Variants in ATP9A observed in about 807,000 individuals in gnomAD.
The protein encoded by ATP9A is probable phospholipid-transporting ATPase IIA.
In ATP9A, 52 loss-of-function variants were observed where a neutral mutation model predicts 144.1. The observed-to-expected ratio is 0.36, with a 90% CI of 0.29 to 0.45. ATP9A has a LOEUF of 0.45. ATP9A is among the 20% of genes least tolerant of loss of function. The pLI, the probability that ATP9A is intolerant of heterozygous loss-of-function variation, is 1.00. For synonymous variants in ATP9A, 582 were observed against 557.4 expected (o/e 1.04, Z -0.62); for missense variants, 947 against 1,392.7 (o/e 0.68, Z 5.09).
intron 9 of ATP9A, among the ~76,000 whole-genome samples, chr20:51,678,114 T>C (rs1328460835): frequency 2.5e-5 from 3 of 120,922 alleles, no homozygotes; most frequent in African/African-American, 3.4e-5. Context: ...CGGAGAAACA[T>C]ACAGGACTGG....
rs376310810 is a variant in ATP9A at position 51,604,998 on chromosome 20, C to T, written c.2826G>A (p.Ala942=). 6.6e-5 allele frequency: 106 copies of T among 1,610,942 alleles called. No individual in the cohort carries two copies. In the East Asian group the frequency reaches 1.6e-3, roughly 25 times the overall value. Residue 942 remains alanine, a synonymous_variant, in exon 27 of 28, where the codon GCG becomes GCA. Transcript: ENST00000338821. ...IYQGSTIMYG[A]LLLFESEFVH... ...CGAACTCCGACTCAAACAGCAGCAG[C>T]GCCCCGTACATGATGGTGCTCCCTG...
chr20:51,767,261 C>G (rs1328351130), intron 1 of ATP9A, among the ~76,000 whole-genome samples: 1 of 152,132 alleles, frequency 6.6e-6, no homozygotes, highest in African/African-American at 2.4e-5. Context: ...CCCAACACCG[C>G]GCTCAGCCTC....
intron 1 of ATP9A, among the ~76,000 whole-genome samples, chr20:51,757,354 G>A (rs1049403622): frequency 2.6e-5 from 4 of 152,110 alleles, no homozygotes; most frequent in African/African-American, 4.8e-5. Context: ...CAAACTGCCC[G>A]TGGCACGTGG....
chr20:51,656,821 T>C (rs922923577), intron 14 of ATP9A, 117 bp downstream of exon 14: 1 of 893,054 alleles, frequency 1.1e-6, no homozygotes, highest in Non-Finnish European at 1.7e-6. Context: ...CCAGCAGCCC[T>C]GCATCATCCT....
intron 20 of ATP9A, 69 bp from the exon 21 acceptor site, chr20:51,618,875 G>A (rs1327932682): frequency 7.0e-5 from 111 of 1,589,562 alleles, no homozygotes; most frequent in Non-Finnish European, 6.4e-5. Flanking sequence ...GGTCGCTGCC[G>A]AGCCTGCAGT....
rs993435572 is a variant in ATP9A, at chr20:51,635,477, C to T, written c.1668+3866G>A. On this transcript the variant is annotated intron_variant, in intron 15 of 27. Coordinates refer to ENST00000338821, the MANE Select transcript of ATP9A (RefSeq NM_006045.3). Reference sequence around the variant, plus strand: ...CCCCAGTTAGGTGTGGTGGCTCATGCCTGTAATCCCAGCACTTTGGGAGGT... The same window carrying T: ...CCCCAGTTAGGTGTGGTGGCTCATGTCTGTAATCCCAGCACTTTGGGAGGT... Among the ~76,000 whole-genome samples the T allele has an allele frequency of 5.9e-5, 9 of 152,176 alleles. No homozygotes were observed. In the South Asian group the frequency reaches 1.9e-3, roughly 32 times the overall value.
chr20:51,612,132 C>T (rs867981670), intron 23 of ATP9A, among the ~76,000 whole-genome samples: 6 of 151,986 alleles, frequency 3.9e-5, no homozygotes, highest in African/African-American at 1.2e-4. Flanking sequence ...TGGCCCTGTC[C>T]GAGGGCAAGG....
At chr20:51,765,427 G>T (rs536289204) in intron 1 of ATP9A, among the ~76,000 whole-genome samples, 3 of 152,094 alleles carry the variant, frequency 2.0e-5, no homozygotes, top group Admixed American at 6.6e-5. Context: ...GGCCAAGGTG[G>T]GTGGATCACC....
intron 3 of ATP9A, among the ~76,000 whole-genome samples, chr20:51,719,525 G>A (rs1296137219): frequency 6.7e-6 from 1 of 149,648 alleles, no homozygotes; most frequent in East Asian, 2.0e-4. Flanking sequence ...AAGAGGTCAA[G>A]AGATCAAGAC....
chr20:51,733,801 G>A (rs1452397004), intron 1 of ATP9A, among the ~76,000 whole-genome samples: 1 of 151,962 alleles, frequency 6.6e-6, no homozygotes, highest in Non-Finnish European at 1.5e-5. Context: ...AGCCTCCCAA[G>A]TATATGGGAC....
Position 51,713,015 on chromosome 20 carries a change from C to G in ATP9A, c.387G>C (p.Val129=). 1.2e-6 allele frequency: 2 copies of G among 1,613,310 alleles called. No homozygotes were observed. Among genetic ancestry groups the G allele is most frequent in the Non-Finnish European group, 1.7e-6 (2 of 1,179,716 alleles). The change falls in exon 4 of 28, where the codon GTG becomes GTC. Residue 129 remains valine (V), a synonymous_variant. Transcript: ENST00000338821. ...REAVEEIRCY[V]RDKEVNSQVY... ...CCTGGGAGTTGACTTCCTTGTCCCGCACGTAGCATCGGATCTCCTCCACCG... is the reference window on the plus strand; with the variant it reads ...CCTGGGAGTTGACTTCCTTGTCCCGGACGTAGCATCGGATCTCCTCCACCG...
chr20:51,687,566 C>T (rs1185237466), intron 9 of ATP9A, among the ~76,000 whole-genome samples: 4 of 152,154 alleles, frequency 2.6e-5, no homozygotes, highest in African/African-American at 9.7e-5. Context: ...GAGTTTGAGA[C>T]CAGCCTGGGC....
At chr20:51,719,442 G>C (rs775470640) in intron 3 of ATP9A, among the ~76,000 whole-genome samples, 1 of 151,988 alleles carries the variant, frequency 6.6e-6, no homozygotes, top group Non-Finnish European at 1.5e-5. Flanking sequence ...TTCCTAAAAA[G>C]AAGAAACATG....
At chr20:51,651,816 C>G (rs192359957) in intron 14 of ATP9A, among the ~76,000 whole-genome samples, 2 of 152,122 alleles carry the variant, frequency 1.3e-5, no homozygotes, top group African/African-American at 4.8e-5. Flanking sequence ...GTAGTCCCAG[C>G]TACTCAGGAG....
intron 9 of ATP9A, among the ~76,000 whole-genome samples, chr20:51,681,757 G>A (rs1300700783): frequency 1.3e-5 from 2 of 152,156 alleles, no homozygotes; most frequent in African/African-American, 4.8e-5. Context: ...TAAATCCCAT[G>A]TTGTGGGCAC....
chr20:51,622,388 A>T (rs1040830369), intron 18 of ATP9A, among the ~76,000 whole-genome samples: 1 of 152,170 alleles, frequency 6.6e-6, no homozygotes, highest in African/African-American at 2.4e-5. Flanking sequence ...AAACTGGCAG[A>T]TGCTTCTAGA....
chr20:51,691,659 G>C (rs546849752), intron 7 of ATP9A, among the ~76,000 whole-genome samples: 7 of 152,346 alleles, frequency 4.6e-5, no homozygotes, highest in Non-Finnish European at 8.8e-5. Context: ...GGGAACGCAA[G>C]ATGGTGCAGC....
intron 13 of ATP9A, among the ~76,000 whole-genome samples, chr20:51,667,785 A>G (rs139593372): frequency 1.3e-5 from 2 of 152,012 alleles, no homozygotes; most frequent in South Asian, 2.1e-4. Context: ...GGCGCAGTGC[A>G]TCATGCCTGT....
In ATP9A at chr20:51,725,929, G is replaced by A. The variant is rs551802397; in HGVS notation, c.217C>T (p.Leu73=). 1.3e-6 allele frequency: 2 copies of A among 1,584,260 alleles called. No homozygotes were observed. Among genetic ancestry groups the A allele is most frequent in the East Asian group, 2.2e-5 (1 of 44,728 alleles). The change falls in exon 3 of 28, where the codon CTG becomes TTG. Residue 73 remains leucine (L), a synonymous_variant. Coordinates refer to ENST00000338821, the MANE Select transcript of ATP9A (RefSeq NM_006045.3). ...AAAAAGTATTTGAACTGGTTGAACA[G>A]CACCTGGAATGGAGGGAGACAACAG... is the stretch of plus-strand genomic sequence containing the variant. ...YNFFTFLPGV[L]FNQFKYFFNL... is the part of the protein sequence containing the mutation.
Sources: gnomAD v4.1 joint callset for allele counts (sites outside exome capture counted in the v4.1 genomes callset) on GRCh38, gnomAD v4.1.1 for gene constraint, MANE v1.5 for transcripts, NCBI Gene and HGNC (gene_info 2026-07-23, HGNC 2026-07-21) for gene names.